The following GEMIN5 variants were observed in gnomAD, a reference collection of about 807,000 sequenced individuals.
The protein encoded by GEMIN5 is gem nuclear organelle associated protein 5, also known as gem-associated protein 5.
In GEMIN5, 124 loss-of-function variants were observed where a neutral mutation model predicts 176.9. That is an observed-to-expected ratio of 0.70 (90% CI 0.61 to 0.81). The LOEUF is 0.81. Among genes scored for constraint, GEMIN5 ranks in the 40% least tolerant of loss-of-function variants. The pLI, the probability that GEMIN5 is intolerant of heterozygous loss-of-function variation, is 0.00. For synonymous variants in GEMIN5, 673 were observed against 665.2 expected (o/e 1.01, Z -0.18); for missense variants, 1,843 against 1,814.6 (o/e 1.02, Z -0.28).
At chr5:154,894,905 TAAAA>T (rs75462033) in intron 24 of GEMIN5, among the ~76,000 whole-genome samples, 1 of 117,094 alleles carries the variant, frequency 8.5e-6, no homozygotes, top group Admixed American at 9.1e-5. Flanking sequence ...AGACTCCATC[TAAAA>T]AAAAAAAAAA....
intron 8 of GEMIN5, 42 bp from the exon 9 acceptor site, chr5:154,924,596 G>A (rs183083508): frequency 7.3e-5 from 88 of 1,210,646 alleles, no homozygotes; most frequent in Non-Finnish European, 7.0e-5. Context: ...TAAGAAGTGG[G>A]GCATATAGTT....
intron 24 of GEMIN5, among the ~76,000 whole-genome samples, chr5:154,892,845 T>A (rs993510298): frequency 6.6e-6 from 1 of 152,140 alleles, no homozygotes; most frequent in African/African-American, 2.4e-5. Context: ...ATGCCTGTAA[T>A]CCCAGCACTT....
chr5:154,891,055 CTTTTTTTTTTTT>C (rs548747613), intron 26 of GEMIN5, among the ~76,000 whole-genome samples, 174 bp downstream of exon 26: 9 of 93,938 alleles, frequency 9.6e-5, no homozygotes, highest in Non-Finnish European at 1.3e-4. Flanking sequence ...TGTGCCCGGG[CTTTTTTTTTTTT>C]TTTTTTTTTG....
intron 23 of GEMIN5, among the ~76,000 whole-genome samples, chr5:154,897,056 T>C (rs928151702): frequency 5.3e-5 from 8 of 152,220 alleles, no homozygotes; most frequent in African/African-American, 1.4e-4. Flanking sequence ...AAGAGAAAAA[T>C]AAAATGCTAA....
At chr5:154,893,329 C>G (rs816735) in intron 24 of GEMIN5, among the ~76,000 whole-genome samples, 15,983 of 147,918 alleles carry the variant, frequency 0.11, 1,637 homozygotes, top group East Asian at 0.54. Flanking sequence ...ACTTGGGAGG[C>G]TGAGGCGGAA....
intron 11 of GEMIN5, 29 bp from the exon 12 acceptor site, chr5:154,918,033 T>A: frequency 7.2e-7 from 1 of 1,379,730 alleles, no homozygotes; most frequent in Non-Finnish European, 1.0e-6. Context: ...CAATCTTGAC[T>A]ATATACATAT....
intron 13 of GEMIN5, among the ~76,000 whole-genome samples, chr5:154,913,438 A>C (rs1016435699): frequency 8.5e-5 from 13 of 152,254 alleles, no homozygotes; most frequent in Admixed American, 3.9e-4. Flanking sequence ...ATTTGAATAT[A>C]GTCATGAGAA....
At chr5:154,888,882 G>C (rs776483168) in intron 27 of GEMIN5, among the ~76,000 whole-genome samples, 1 of 147,486 alleles carries the variant, frequency 6.8e-6, no homozygotes, top group African/African-American at 2.5e-5. Context: ...TTTTGAGACA[G>C]AGTCTCGCTC....
intron 13 of GEMIN5, among the ~76,000 whole-genome samples, chr5:154,916,010 T>C (rs1763801799): frequency 6.6e-6 from 1 of 152,158 alleles, no homozygotes; most frequent in East Asian, 1.9e-4. Flanking sequence ...GGATACATTA[T>C]GGTAAGCCCA....
intron 16 of GEMIN5, among the ~76,000 whole-genome samples, chr5:154,905,787 C>T (rs1441107841): frequency 6.6e-6 from 1 of 151,756 alleles, no homozygotes; most frequent in Non-Finnish European, 1.5e-5. Flanking sequence ...GCAACCTCTG[C>T]CTCCTAGGTC....
intron 23 of GEMIN5, among the ~76,000 whole-genome samples, chr5:154,896,650 C>G (rs573090096): frequency 1.6e-3 from 251 of 152,302 alleles, no homozygotes; most frequent in Non-Finnish European, 2.8e-3. Flanking sequence ...GCCACTTAAG[C>G]CTTGTAGCCT....
chr5:154,926,966 C>G (rs1429513799), intron 7 of GEMIN5, among the ~76,000 whole-genome samples: 2 of 151,566 alleles, frequency 1.3e-5, no homozygotes, highest in Middle Eastern at 3.2e-3. Flanking sequence ...AGGAGAATGG[C>G]GTAAAACTGG....
At chr5:154,911,055 C>T (rs1480860935) in intron 15 of GEMIN5, among the ~76,000 whole-genome samples, 1 of 152,204 alleles carries the variant, frequency 6.6e-6, no homozygotes, top group Admixed American at 6.5e-5. Context: ...CCTCTTCAAG[C>T]TGTTTCTTTT....
At chr5:154,927,328 C>T in intron 7 of GEMIN5, 57 bp downstream of exon 7, 1 of 1,193,050 alleles carries the variant, frequency 8.4e-7, no homozygotes, top group East Asian at 2.4e-5. Flanking sequence ...GCCCTCTCAT[C>T]CCACCCAAGT....
In GEMIN5 at chr5:154,925,819, G is replaced by GA. The variant is rs761617879; in HGVS notation, c.1293+42dup. On this transcript the variant is annotated intron_variant, in intron 8 of 27. Transcript: ENST00000285873. The stretch of plus-strand genomic sequence containing the variant: ...AACAGGCATAAAAGAGAATTATTTG[G>GA]AAAAAAAAAAGTTCAAAACAAGCTC... The GA allele has an allele frequency of 8.3e-3, 8,102 of 977,568 alleles. 2 individuals carry two copies. Among genetic ancestry groups the GA allele is most frequent in the Non-Finnish European group, 1.0e-2 (6,471 of 648,512 alleles). The allele number at this position is 977,568 out of a possible 1,614,324, so 60.6% of individuals were successfully genotyped here.
intron 17 of GEMIN5, among the ~76,000 whole-genome samples, 160 bp from the exon 18 acceptor site, chr5:154,904,789 C>A (rs1448220518): frequency 6.6e-6 from 1 of 152,114 alleles, no homozygotes; most frequent in Non-Finnish European, 1.5e-5. Context: ...TTGCTGGGGG[C>A]ATTGTTCACA....
At chr5:154,899,367 C>T (rs1763420040) in intron 21 of GEMIN5, 57 bp from the exon 22 acceptor site, 1 of 1,416,374 alleles carries the variant, frequency 7.1e-7, no homozygotes, top group African/African-American at 1.4e-5. Flanking sequence ...GTGTATGGTC[C>T]TAGGAGGGGC....
intron 15 of GEMIN5, among the ~76,000 whole-genome samples, chr5:154,910,024 G>A (rs1763663126): frequency 6.6e-6 from 1 of 151,484 alleles, no homozygotes; most frequent in African/African-American, 2.4e-5. Flanking sequence ...TAGACAGTAT[G>A]TAGTCTTTTG....
Position 154,912,975 on chromosome 5 carries a change from G to A in GEMIN5, c.1919C>T (p.Ala640Val). ...EPYRTLSGHT[A>V]KITSVAWSPH... ...GCTCCACGCCACACTGGTAATCTTG[G>A]CCGTATGCCCTGAGAGGGTCCGGTA... The change falls in exon 14 of 28, where the codon GCC becomes GTC. Residue 640 changes from alanine (A) to valine (V), a missense_variant. By Grantham distance (64) the Ala-to-Val change is moderately conservative. Transcript: ENST00000285873. 6.2e-7 allele frequency: 1 copy of A among 1,613,698 alleles called. No homozygotes were observed. Among genetic ancestry groups the A allele is most frequent in the Non-Finnish European group, 8.5e-7 (1 of 1,179,608 alleles).
Sources: gnomAD v4.1 joint callset for allele counts (sites outside exome capture counted in the v4.1 genomes callset) on GRCh38, gnomAD v4.1.1 for gene constraint, MANE v1.5 for transcripts, NCBI Gene and HGNC (gene_info 2026-07-23, HGNC 2026-07-21) for gene names.